The following HS3ST3B1 variants were observed in gnomAD, a reference collection of about 807,000 sequenced individuals.
HS3ST3B1 encodes the protein heparan sulfate-glucosamine 3-sulfotransferase 3B1, also known as heparan sulfate glucosamine 3-O-sulfotransferase 3B1.
Under a neutral mutation model 21.3 loss-of-function variants are expected in HS3ST3B1, and 13 were observed. The ratio of observed to expected loss-of-function variants is 0.61; its 90% CI spans 0.40 to 0.97. The LOEUF is 0.97. HS3ST3B1 is among the 50% of genes least tolerant of loss of function. The pLI, the probability that HS3ST3B1 is intolerant of heterozygous loss-of-function variation, is 0.00. For missense variants in HS3ST3B1, 459 were observed against 554.8 expected, an observed-to-expected ratio of 0.83 and a Z score of 1.73; for synonymous variants, 234 against 254.8, an observed-to-expected ratio of 0.92 and a Z score of 0.78.
At chr17:14,337,019 A>G (rs189584985) in intron 1 of HS3ST3B1, among the ~76,000 whole-genome samples, 9 of 152,290 alleles carry the variant, frequency 5.9e-5, no homozygotes, top group Admixed American at 3.9e-4. Flanking sequence ...CATATGCTCT[A>G]AAAGAGCACT....
At chr17:14,337,040 T>C (rs1910205438) in intron 1 of HS3ST3B1, among the ~76,000 whole-genome samples, 1 of 152,182 alleles carries the variant, frequency 6.6e-6, no homozygotes, top group Non-Finnish European at 1.5e-5. Context: ...GAGATTCATT[T>C]GCAGCCACAA....
Position 14,349,074 on chromosome 17 carries a change from C to A in HS3ST3B1, c.*3428C>A, listed in dbSNP as rs1910653661. On this transcript the variant is annotated 3_prime_UTR_variant, in exon 2 of 2. Coordinates refer to ENST00000360954, the MANE Select transcript of HS3ST3B1 (RefSeq NM_006041.3). ...CTAGAAACAGTACGTATCTAAGATG[C>A]TGACACAGAAGCTAATGTGACTTTT... is the stretch of plus-strand genomic sequence containing the variant. 6.6e-6 allele frequency: 1 copy of A among 152,150 alleles called. No homozygotes were observed. Among genetic ancestry groups the A allele is most frequent in the Non-Finnish European group, 1.5e-5 (1 of 68,014 alleles). The allele number at this position is 152,150 out of a possible 1,614,324, so 9.4% of individuals were successfully genotyped here.
intron 1 of HS3ST3B1, among the ~76,000 whole-genome samples, chr17:14,336,455 G>A (rs961916106): frequency 6.6e-6 from 1 of 152,114 alleles, no homozygotes; most frequent in Non-Finnish European, 1.5e-5. Flanking sequence ...AATTTCCTAC[G>A]CCTTTAGCCT....
At chr17:14,342,053 C>G (rs1018807506) in intron 1 of HS3ST3B1, among the ~76,000 whole-genome samples, 1 of 152,170 alleles carries the variant, frequency 6.6e-6, no homozygotes, top group African/African-American at 2.4e-5. Context: ...CTTCTAACTC[C>G]CTGTTGGCAG....
rs1004602935 is a variant in HS3ST3B1 at position 14,315,682 on chromosome 17, G to A, written c.554+13610G>A. Among the ~76,000 whole-genome samples the A allele has an allele frequency of 5.3e-5, 8 of 152,072 alleles. No homozygotes were observed. In the East Asian group the frequency reaches 7.8e-4, roughly 15 times the overall value. On this transcript the variant is annotated intron_variant, in intron 1 of 1. Coordinates refer to ENST00000360954, the MANE Select transcript of HS3ST3B1 (RefSeq NM_006041.3). Reference sequence around the variant, plus strand: ...TGCTAAAAATACAAAAATGCCAGGCGTGGTGGCGGGTGCCTCTAATCCCAG... The same window carrying A: ...TGCTAAAAATACAAAAATGCCAGGCATGGTGGCGGGTGCCTCTAATCCCAG...
At chr17:14,311,279 T>C (rs1253568757) in intron 1 of HS3ST3B1, among the ~76,000 whole-genome samples, 3 of 149,924 alleles carry the variant, frequency 2.0e-5, no homozygotes. Flanking sequence ...GATCTCACTA[T>C]GTTAACCCAG....
chr17:14,335,122 A>T (rs903910893), intron 1 of HS3ST3B1, among the ~76,000 whole-genome samples: 2 of 152,190 alleles, frequency 1.3e-5, no homozygotes, highest in Non-Finnish European at 2.9e-5. Flanking sequence ...GTTTATCAGA[A>T]TGGGCTGACC....
Position 14,301,629 on chromosome 17 carries a change from C to A in HS3ST3B1, c.111C>A (p.Phe37Leu), listed in dbSNP as rs1908928359. ...TGAGGAGGAAGCTCGCGCTGCTCTT[C>A]GCCATGCTCTGCGTCTGGCTCTATA... is the stretch of plus-strand genomic sequence containing the variant. ...PPVRRKLALL[F>L]AMLCVWLYMF... Residue 37 changes from phenylalanine (F) to leucine (L), a missense_variant, in exon 1 of 2, where the codon TTC becomes TTA. Coordinates refer to ENST00000360954, the MANE Select transcript of HS3ST3B1 (RefSeq NM_006041.3). 6.2e-7 allele frequency: 1 copy of A among 1,607,576 alleles called. No homozygotes were observed. The highest frequency in any genetic ancestry group is 8.5e-7 in the Non-Finnish European group (1 of 1,178,822).
At chr17:14,325,141 G>A (rs146700270) in intron 1 of HS3ST3B1, among the ~76,000 whole-genome samples, 1 of 152,202 alleles carries the variant, frequency 6.6e-6, no homozygotes, top group Admixed American at 6.5e-5. Context: ...GACTGTTCTT[G>A]GTATTAAGCC....
chr17:14,306,415 C>T (rs564182042), intron 1 of HS3ST3B1, among the ~76,000 whole-genome samples: 5 of 152,178 alleles, frequency 3.3e-5, no homozygotes, highest in African/African-American at 4.8e-5. Context: ...TTAAATGACA[C>T]GTTCCAGAAC....
At chr17:14,338,077 C>G (rs1187643642) in intron 1 of HS3ST3B1, among the ~76,000 whole-genome samples, 1 of 151,714 alleles carries the variant, frequency 6.6e-6, no homozygotes, top group Non-Finnish European at 1.5e-5. Flanking sequence ...TTAAAAGCAC[C>G]CTGCATGATT....
At chr17:14,313,248 G>C (rs1417161920) in intron 1 of HS3ST3B1, among the ~76,000 whole-genome samples, 1 of 151,622 alleles carries the variant, frequency 6.6e-6, no homozygotes, top group East Asian at 1.9e-4. Context: ...GATTACAGGT[G>C]TGAGCCACTG....
chr17:14,321,224 C>A (rs1786356087), intron 1 of HS3ST3B1, among the ~76,000 whole-genome samples: 1 of 152,170 alleles, frequency 6.6e-6, no homozygotes, highest in Non-Finnish European at 1.5e-5. Context: ...TAATTTCCAG[C>A]TGAGAGGCTA....
intron 1 of HS3ST3B1, among the ~76,000 whole-genome samples, chr17:14,312,409 C>A (rs931283563): frequency 2.0e-5 from 3 of 152,164 alleles, no homozygotes; most frequent in African/African-American, 7.2e-5. Flanking sequence ...GCCATCTCTT[C>A]TGTTGTTTCT....
intron 1 of HS3ST3B1, among the ~76,000 whole-genome samples, chr17:14,317,144 C>G (rs1466792700): frequency 1.3e-5 from 2 of 152,220 alleles, no homozygotes; most frequent in Non-Finnish European, 1.5e-5. Context: ...TCATTCTTAT[C>G]ACACTTCCCT....
chr17:14,326,025 G>T (rs183933883), intron 1 of HS3ST3B1, among the ~76,000 whole-genome samples: 6 of 152,026 alleles, frequency 3.9e-5, no homozygotes, highest in African/African-American at 1.4e-4. Context: ...GTGTGTACGT[G>T]TGTGTGTGTG....
intron 1 of HS3ST3B1, among the ~76,000 whole-genome samples, chr17:14,321,037 A>C (rs142494873): frequency 1.2e-3 from 187 of 152,276 alleles, no homozygotes; most frequent in African/African-American, 3.4e-3. Context: ...CTGAACATCA[A>C]AGTAAGAAAG....
intron 1 of HS3ST3B1, among the ~76,000 whole-genome samples, chr17:14,302,618 G>T (rs1479760567): frequency 1.3e-5 from 2 of 152,060 alleles, no homozygotes; most frequent in African/African-American, 4.8e-5. Flanking sequence ...GAACCCCAAG[G>T]GTGTCAGACC....
intron 1 of HS3ST3B1, chr17:14,304,051 G>T (rs1909041299): frequency 6.6e-6 from 1 of 152,254 alleles, no homozygotes; most frequent in Admixed American, 6.5e-5. Context: ...GAAGAACGAA[G>T]TCGCGTGGAA....
Sources: gnomAD v4.1 joint callset for allele counts (sites outside exome capture counted in the v4.1 genomes callset) on GRCh38, gnomAD v4.1.1 for gene constraint, MANE v1.5 for transcripts, NCBI Gene and HGNC (gene_info 2026-07-23, HGNC 2026-07-21) for gene names.